ZNF544: variants seen among roughly 807,000 people sequenced by gnomAD.
ZNF544 encodes zinc finger protein 544, also known as zinc finger protein AF020591.
Under a neutral mutation model 13.5 loss-of-function variants are expected in ZNF544, and 10 were observed. The ratio of observed to expected loss-of-function variants is 0.74; its 90% CI spans 0.46 to 1.25. ZNF544 has a LOEUF of 1.25. Ranked by LOEUF, ZNF544 falls within the 50% of genes most tolerant of loss-of-function variation. The pLI is 0.00. For synonymous variants in ZNF544, 323 were observed against 300.5 expected, an observed-to-expected ratio of 1.07 and a Z score of -0.77; for missense variants, 896 against 845.6, an observed-to-expected ratio of 1.06 and a Z score of -0.74.
At chr19:58,260,804 C>G in intron 6 of ZNF544, 47 bp from the exon 7 acceptor site, 3 of 1,498,874 alleles carry the variant, frequency 2.0e-6, no homozygotes, top group Non-Finnish European at 2.7e-6. Flanking sequence ...CTCCCCCTCC[C>G]CCTCTGATGC....
At position 58,263,540 on chromosome 19, in the gene ZNF544, T is replaced by G; in HGVS notation, c.*786T>G. 1.8e-5 allele frequency: 18 copies of G among 985,368 alleles called. No individual in the cohort carries two copies. The highest frequency in any genetic ancestry group is 2.0e-5 in the Non-Finnish European group (17 of 829,924). The allele number at this position is 985,368 out of a possible 1,614,324, so 61.0% of individuals were successfully genotyped here. ...GGTGGCCAAAACATGACTCTCAGAG[T>G]GGGGCTTCATGACCATGTGCATCAG... On this transcript the variant is annotated 3_prime_UTR_variant, in exon 7 of 7. Coordinates refer to ENST00000687789, the MANE Select transcript of ZNF544 (RefSeq NM_014480.4).
intron 3 of ZNF544, among the ~76,000 whole-genome samples, chr19:58,240,398 C>T (rs1300997905): frequency 6.6e-6 from 1 of 151,972 alleles, no homozygotes; most frequent in African/African-American, 2.4e-5. Flanking sequence ...GCTGGCACTA[C>T]AGGCACCCAC....
chr19:58,241,030 G>A (rs1446410425), intron 3 of ZNF544, among the ~76,000 whole-genome samples: 1 of 145,588 alleles, frequency 6.9e-6, no homozygotes, highest in African/African-American at 2.5e-5. Flanking sequence ...GGAGTGTGGT[G>A]GCACGATCAC....
At chr19:58,255,342 A>C (rs1291011139) in intron 6 of ZNF544, among the ~76,000 whole-genome samples, 1 of 151,576 alleles carries the variant, frequency 6.6e-6, no homozygotes, top group African/African-American at 2.4e-5. Context: ...ATGCCCAGCC[A>C]ATTTTTTTGT....
In ZNF544 at chr19:58,262,735, A is replaced by G. The variant is rs1216981473; in HGVS notation, c.2129A>G (p.His710Arg). 1 of 1,601,886 alleles carries G rather than the reference A, an allele frequency of 6.2e-7. No homozygotes were observed. Among genetic ancestry groups the G allele is most frequent in the Non-Finnish European group, 8.5e-7 (1 of 1,172,294 alleles). Residue 710 changes from histidine (H) to arginine (R), a missense_variant, in exon 7 of 7, where the codon CAT becomes CGT. Coordinates refer to ENST00000687789, the MANE Select transcript of ZNF544 (RefSeq NM_014480.4). Reference sequence around the variant, plus strand: ...CAACTTGTAGTGCATCGGCGGACACATACTGGAGAGAAACCTTAGGAGTGC... The same window carrying G: ...CAACTTGTAGTGCATCGGCGGACACGTACTGGAGAGAAACCTTAGGAGTGC... Reference protein sequence around the residue: ...QSQLVVHRRTHTGEKP With the variant: ...QSQLVVHRRTRTGEKP
intron 1 of ZNF544, 46 bp from the exon 2 acceptor site, chr19:58,229,422 G>T (rs2040718221): frequency 6.6e-6 from 1 of 152,186 alleles, no homozygotes; most frequent in African/African-American, 2.4e-5. Context: ...GGCCTCTCCC[G>T]GCTCCTTTTT....
rs1434179843 is a variant in ZNF544, at chr19:58,261,967, A to G, written c.1361A>G (p.His454Arg). The G allele has an allele frequency of 6.2e-7, 1 of 1,613,930 alleles. No individual in the cohort carries two copies. ...SFRWNSNLIV[H>R]QRIHTGEKPY... ...AGGTGGAACTCTAACCTCATTGTAC[A>G]TCAGAGAATTCATACTGGAGAGAAA... The change falls in exon 7 of 7, where the codon CAT becomes CGT. Residue 454 changes from histidine (H) to arginine (R), a missense_variant. By Grantham distance (29) the His-to-Arg change is conservative. Transcript: ENST00000687789.
In ZNF544 at chr19:58,262,052, TAAAAG is replaced by T; in HGVS notation, c.1449_1453del (p.Lys483AsnfsTer22). On this transcript the variant is annotated frameshift_variant, in exon 7 of 7. Transcript: ENST00000687789. LOFTEE classifies it low-confidence loss of function (END_TRUNC). ...GCCAAAGCTATGAGTTAGTTACACATAAAAGAACGCACACTGGAGAAAAACCCTTC... is the reference window on the plus strand; with the variant it reads ...GCCAAAGCTATGAGTTAGTTACACATAACGCACACTGGAGAAAAACCCTTC... 1.2e-6 allele frequency: 2 copies of T among 1,609,316 alleles called. No homozygotes were observed. The highest frequency in any genetic ancestry group is 1.7e-6 in the Non-Finnish European group (2 of 1,178,878).
chr19:58,269,880 C>A (rs1309432885), intron 5 of ZNF544, among the ~76,000 whole-genome samples: 5 of 152,252 alleles, frequency 3.3e-5, no homozygotes, highest in African/African-American at 9.6e-5. Context: ...TAGATCATGC[C>A]ACTGGACTCC....
downstream of ZNF544, chr19:58,264,017 C>A (rs1329329595): frequency 6.7e-6 from 1 of 149,094 alleles, no homozygotes; most frequent in African/African-American, 2.5e-5. Flanking sequence ...ATGGCGCGAA[C>A]ATGGGAGGCG....
intron 6 of ZNF544, chr19:58,258,517 T>C (rs78031739): frequency 0.11 from 5,261 of 47,624 alleles, 1,113 homozygotes; most frequent in Non-Finnish European, 0.13. Context: ...GTGCTGGGTG[T>C]GAGGGCACCA....
At chr19:58,263,670 C>A, downstream of ZNF544, 1 of 795,176 alleles carries the variant, frequency 1.3e-6, no homozygotes, top group Non-Finnish European at 1.5e-6. Flanking sequence ...TTTCTAAAAT[C>A]ACACAGGTGA....
At chr19:58,253,329 T>A (rs530291735) in intron 6 of ZNF544, among the ~76,000 whole-genome samples, 4 of 152,378 alleles carry the variant, frequency 2.6e-5, no homozygotes, top group African/African-American at 9.6e-5. Flanking sequence ...GCCATTTTTT[T>A]ATTACCAATG....
chr19:58,243,571 C>G (rs967197689), intron 3 of ZNF544, among the ~76,000 whole-genome samples: 1 of 151,898 alleles, frequency 6.6e-6, no homozygotes, highest in African/African-American at 2.4e-5. Flanking sequence ...CCTGCGCCGC[C>G]CTGCTGGGGA....
At position 58,261,159 on chromosome 19, in the gene ZNF544, C is replaced by CCGA; in HGVS notation, c.554_555insGAC (p.Pro185_Lys186insThr). 1 of 1,614,114 alleles carries CCGA rather than the reference C, an allele frequency of 6.2e-7. No homozygotes were observed. The highest frequency in any genetic ancestry group is 8.5e-7 in the Non-Finnish European group (1 of 1,180,024). On this transcript the variant is annotated inframe_insertion, in exon 7 of 7. Coordinates refer to ENST00000687789, the MANE Select transcript of ZNF544 (RefSeq NM_014480.4). ...AACATTACCTACAAGTACAGGTTTCCCTAAGCCCAACTCACAAGTTAAAGA... is the reference window on the plus strand; with the variant it reads ...AACATTACCTACAAGTACAGGTTTCCCGACTAAGCCCAACTCACAAGTTAAAGA...
chr19:58,234,240 A>G (rs1271365410), intron 3 of ZNF544, among the ~76,000 whole-genome samples: 4 of 152,146 alleles, frequency 2.6e-5, no homozygotes, highest in Non-Finnish European at 5.9e-5. Context: ...AGGTCACGGG[A>G]TGGGCCAGGG....
intron 6 of ZNF544, among the ~76,000 whole-genome samples, chr19:58,252,442 C>G (rs1350036228): frequency 6.6e-6 from 1 of 152,136 alleles, no homozygotes; most frequent in Admixed American, 6.6e-5. Context: ...ATTATTATTG[C>G]TACATCCTTC....
At chr19:58,276,280 A>G (rs1049357712) in intron 5 of ZNF544, 4 of 1,093,328 alleles carry the variant, frequency 3.7e-6, no homozygotes, top group Non-Finnish European at 3.5e-6. Context: ...GCCACTGTGC[A>G]GGGGAAGGCA....
chr19:58,246,686 A>G (rs763179259), intron 5 of ZNF544, 25 bp from the exon 6 acceptor site: 6 of 1,612,848 alleles, frequency 3.7e-6, no homozygotes, highest in Non-Finnish European at 5.1e-6. Flanking sequence ...GCAGAGGGGC[A>G]AGTCCTTTTT....
Sources: allele counts gnomAD v4.1 joint callset (sites outside exome capture counted in the v4.1 genomes callset), GRCh38; gene constraint gnomAD v4.1.1; transcripts MANE v1.5; gene names NCBI Gene and HGNC (gene_info 2026-07-23, HGNC 2026-07-21).